The following ZDHHC5 variants were observed in gnomAD, a reference collection of about 807,000 sequenced individuals.
ZDHHC5 encodes the protein zDHHC palmitoyltransferase 5.
In ZDHHC5, 22 loss-of-function variants were observed where a neutral mutation model predicts 70.0. That is an observed-to-expected ratio of 0.31 (90% CI 0.22 to 0.45). The LOEUF (loss-of-function observed/expected upper bound fraction) is 0.45. Among genes scored for constraint, ZDHHC5 ranks in the 20% least tolerant of loss-of-function variants. ZDHHC5 has a pLI of 1.00. For synonymous variants in ZDHHC5, 313 were observed against 347.8 expected (o/e 0.90, Z 1.11); for missense variants, 746 against 926.9 (o/e 0.80, Z 2.53).
At chr11:57,675,829 C>T (rs1946065251) in intron 2 of ZDHHC5, among the ~76,000 whole-genome samples, 1 of 152,204 alleles carries the variant, frequency 6.6e-6, no homozygotes, top group Non-Finnish European at 1.5e-5. Flanking sequence ...ATGTATTTTA[C>T]CTCTTTCGAG....
Position 57,696,741 on chromosome 11 carries a change from C to G in ZDHHC5, c.1010-20C>G. On this transcript the variant is annotated intron_variant, in intron 9 of 11. Transcript: ENST00000287169. ...AAAACCGCTTGTAAAATAGTGCCCC[C>G]TTGGCCTTTTTTCTTGCAGATAGTA... 1 of 1,610,210 alleles carries G rather than the reference C, an allele frequency of 6.2e-7. No homozygotes were observed. The highest frequency in any genetic ancestry group is 8.5e-7 in the Non-Finnish European group (1 of 1,176,824).
At chr11:57,693,749 C>T in intron 7 of ZDHHC5, 34 bp from the exon 8 acceptor site, 4 of 1,521,098 alleles carry the variant, frequency 2.6e-6, no homozygotes, top group Non-Finnish European at 3.5e-6. Context: ...AGCTCTCTCG[C>T]TGTGTCTCTC....
At chr11:57,689,539 G>A (rs1363170148) in intron 4 of ZDHHC5, among the ~76,000 whole-genome samples, 3 of 151,996 alleles carry the variant, frequency 2.0e-5, no homozygotes, top group East Asian at 1.9e-4. Flanking sequence ...TACCACGCCC[G>A]GCTAATTTTT....
intron 8 of ZDHHC5, 22 bp from the exon 9 acceptor site, chr11:57,695,898 T>C (rs1223396716): frequency 1.9e-6 from 3 of 1,606,228 alleles, no homozygotes; most frequent in Admixed American, 3.5e-5. Context: ...AAATCTGATT[T>C]TCCCTCCCTT....
At chr11:57,684,771 T>A (rs2135390045) in intron 3 of ZDHHC5, among the ~76,000 whole-genome samples, 1 of 152,290 alleles carries the variant, frequency 6.6e-6, no homozygotes, top group East Asian at 1.9e-4. Context: ...GACATGTAGT[T>A]TTCCTCTCAA....
chr11:57,698,615 C>T lies in ZDHHC5; in HGVS notation c.1179C>T (p.His393=), dbSNP rs1444864093. The change falls in exon 11 of 12, where the codon CAC becomes CAT. Residue 393 remains histidine, a synonymous_variant. Coordinates refer to ENST00000287169, the MANE Select transcript of ZDHHC5 (RefSeq NM_015457.3). ...CCTCAATTGCAGAGAGCAGCCGTCA[C>T]CCCAGCTACCGCTCAGAGCCCAGCT... ...EPTSIAESSR[H]PSYRSEPSLE... 1 of 1,613,952 alleles carries T rather than the reference C, an allele frequency of 6.2e-7. No homozygotes were observed. Among genetic ancestry groups the T allele is most frequent in the East Asian group, 2.2e-5 (1 of 44,876 alleles).
intron 9 of ZDHHC5, 22 bp from the exon 10 acceptor site, chr11:57,696,739 C>T: frequency 6.2e-7 from 1 of 1,607,584 alleles, no homozygotes; most frequent in Non-Finnish European, 8.5e-7. Flanking sequence ...AAATAGTGCC[C>T]CCTTGGCCTT....
At chr11:57,670,278 C>T (rs531473287) in intron 1 of ZDHHC5, among the ~76,000 whole-genome samples, 8 of 152,092 alleles carry the variant, frequency 5.3e-5, no homozygotes, top group Non-Finnish European at 1.0e-4. Flanking sequence ...TCGAGACCAG[C>T]CTGGGCAACA....
intron 3 of ZDHHC5, among the ~76,000 whole-genome samples, chr11:57,688,019 T>C (rs1310229153): frequency 6.6e-6 from 1 of 151,870 alleles, no homozygotes; most frequent in Non-Finnish European, 1.5e-5. Context: ...AATCCGCCCT[T>C]CTCGGCCTCC....
chr11:57,699,550 A>C, intron 11 of ZDHHC5, 132 bp downstream of exon 11: 2 of 1,359,410 alleles, frequency 1.5e-6, no homozygotes, highest in South Asian at 2.9e-5. Context: ...CTTTATTTTC[A>C]CTTTGACTCT....
Position 57,672,411 on chromosome 11 carries a change from C to T in ZDHHC5, c.-680C>T. ...CCATCAAGAGAGAAATAAATTAAACCACCATTGCCAGACTACAAGCCCTGG... is the reference window on the plus strand; with the variant it reads ...CCATCAAGAGAGAAATAAATTAAACTACCATTGCCAGACTACAAGCCCTGG... On this transcript the variant is annotated 5_prime_UTR_variant, in exon 2 of 12. Coordinates refer to ENST00000287169, the MANE Select transcript of ZDHHC5 (RefSeq NM_015457.3). 2.6e-6 allele frequency: 1 copy of T among 391,440 alleles called. No individual in the cohort carries two copies. The highest frequency in any genetic ancestry group is 4.5e-6 in the Non-Finnish European group (1 of 222,064). 24.2% of individuals were successfully genotyped at this position (391,440 alleles called of 1,614,324 possible). A position where few individuals can be genotyped will look rare whatever the true frequency, so the allele number is the denominator to read the frequency against.
Position 57,673,006 on chromosome 11 carries a change from T to G in ZDHHC5, c.-85T>G, listed in dbSNP as rs975752038. 7.7e-7 allele frequency: 1 copy of G among 1,305,182 alleles called. No homozygotes were observed. Among genetic ancestry groups the G allele is most frequent in the Admixed American group, 1.7e-5 (1 of 57,814 alleles). The allele number at this position is 1,305,182 out of a possible 1,614,324, so 80.9% of individuals were successfully genotyped here. ...TTTCTTTTGTACTCCTCTCTGTTGC[T>G]TCCCTCCTCCCATTTTCTTGTCTGT... On this transcript the variant is annotated 5_prime_UTR_variant, in exon 2 of 12. Coordinates refer to ENST00000287169, the MANE Select transcript of ZDHHC5 (RefSeq NM_015457.3).
At chr11:57,683,252 G>C (rs1172332200) in intron 3 of ZDHHC5, among the ~76,000 whole-genome samples, 2 of 152,222 alleles carry the variant, frequency 1.3e-5, no homozygotes, top group Non-Finnish European at 2.9e-5. Context: ...CTTTGGATAG[G>C]AAGAGGTCTT....
intron 9 of ZDHHC5, 30 bp from the exon 10 acceptor site, chr11:57,696,731 A>G (rs1423784999): frequency 1.9e-6 from 3 of 1,605,070 alleles, no homozygotes; most frequent in African/African-American, 2.7e-5. Context: ...CGCTTGTAAA[A>G]TAGTGCCCCC....
At chr11:57,688,402 C>T (rs1268968705) in intron 3 of ZDHHC5, 106 bp from the exon 4 acceptor site, 10 of 1,277,086 alleles carry the variant, frequency 7.8e-6, no homozygotes, top group Non-Finnish European at 9.3e-6. Context: ...ACTCATTAGA[C>T]TGTGAATTCC....
In ZDHHC5 at chr11:57,682,463, T is replaced by C. The variant is rs1946160963; in HGVS notation, c.146T>C (p.Ile49Thr). ...LSLYVSPAVP[I>T]YNAIMFLFVL... ...CTGTATGTGTCACCTGCAGTGCCCA[T>C]CTACAATGCAATTATGTTTCTCTTT... Residue 49 changes from isoleucine (I) to threonine (T), a missense_variant, in exon 3 of 12, where the codon ATC becomes ACC. Transcript: ENST00000287169. 1 of 1,614,074 alleles carries C rather than the reference T, an allele frequency of 6.2e-7. No homozygotes were observed. The highest frequency in any genetic ancestry group is 8.5e-7 in the Non-Finnish European group (1 of 1,180,032).
At chr11:57,696,451 C>G (rs771956736) in intron 9 of ZDHHC5, among the ~76,000 whole-genome samples, 4 of 152,202 alleles carry the variant, frequency 2.6e-5, no homozygotes, top group Non-Finnish European at 5.9e-5. Flanking sequence ...CGCAGTGGCT[C>G]ACACCTGTGA....
chr11:57,683,938 C>CA, intron 3 of ZDHHC5, among the ~76,000 whole-genome samples: 1 of 150,522 alleles, frequency 6.6e-6, no homozygotes, highest in East Asian at 2.0e-4. Flanking sequence ...TATGGAAACT[C>CA]AAATTTCCCA....
In ZDHHC5 at chr11:57,696,005, C is replaced by G; in HGVS notation, c.971C>G (p.Thr324Arg). Residue 324 changes from threonine to arginine, a missense_variant, in exon 9 of 12, where the codon ACA (threonine) becomes AGA (arginine). This residue lies in a region of ZDHHC5 where 179 missense variants were observed against 178.4 expected (regional missense o/e 1.00). Transcript: ENST00000287169. ...PPPKPDLSRYTGLRTHLGLAT... is the reference protein window; with the variant it reads ...PPPKPDLSRYRGLRTHLGLAT... ...CCTAAGCCAGACCTGAGCCGTTACA[C>G]AGGGTTGCGAACACACCTCGGCTTG... 6.2e-7 allele frequency: 1 copy of G among 1,614,104 alleles called. No homozygotes were observed. Among genetic ancestry groups the G allele is most frequent in the South Asian group, 1.1e-5 (1 of 91,068 alleles).
Sources: gnomAD v4.1 joint callset for allele counts (sites outside exome capture counted in the v4.1 genomes callset) on GRCh38, gnomAD v4.1.1 for gene constraint, gnomAD v4.1.1 regional missense constraint, MANE v1.5 for transcripts, NCBI Gene and HGNC (gene_info 2026-07-23, HGNC 2026-07-21) for gene names.